Variants in NPAS3 observed in about 807,000 individuals in gnomAD.
NPAS3 encodes neuronal PAS domain protein 3.
NPAS3 carries 14 observed loss-of-function variants against 73.1 expected under a neutral mutation model. The ratio of observed to expected loss-of-function variants is 0.19; its 90% CI spans 0.13 to 0.30. NPAS3 has a LOEUF of 0.30. NPAS3 is among the 10% of genes least tolerant of loss of function. NPAS3 has a pLI of 1.00. For missense variants in NPAS3, 1,096 were observed against 1,250.0 expected (o/e 0.88, Z 1.86); for synonymous variants, 620 against 541.5 (o/e 1.14, Z -2.01).
intron 5 of NPAS3, among the ~76,000 whole-genome samples, chr14:33,589,543 G>A (rs1342993600): frequency 6.6e-6 from 1 of 152,152 alleles, no homozygotes. Context: ...ATTACATTTT[G>A]TGTGCTCAGC....
intron 11 of NPAS3, among the ~76,000 whole-genome samples, chr14:33,798,043 C>T (rs1006967192): frequency 5.9e-5 from 9 of 152,012 alleles, no homozygotes; most frequent in Non-Finnish European, 1.0e-4. Context: ...AGCTAGCTCT[C>T]GGCCTCTACT....
chr14:33,005,800 C>T (rs1173774443), intron 1 of NPAS3, among the ~76,000 whole-genome samples: 1 of 152,148 alleles, frequency 6.6e-6, no homozygotes, highest in Non-Finnish European at 1.5e-5. Flanking sequence ...CATGATAGCA[C>T]TTGTGAGTCT....
intron 2 of NPAS3, among the ~76,000 whole-genome samples, chr14:33,085,742 T>A (rs971518981): frequency 6.6e-6 from 1 of 152,230 alleles, no homozygotes; most frequent in African/African-American, 2.4e-5. Context: ...TATAGTAAGA[T>A]ACAACCAACA....
intron 4 of NPAS3, among the ~76,000 whole-genome samples, chr14:33,510,367 G>C (rs939290059): frequency 5.3e-5 from 8 of 152,042 alleles, no homozygotes; most frequent in African/African-American, 1.9e-4. Flanking sequence ...TCGCTGCTAT[G>C]ATTCAGAGGT....
chr14:33,384,067 A>G (rs2046671934), intron 4 of NPAS3, among the ~76,000 whole-genome samples: 2 of 152,346 alleles, frequency 1.3e-5, no homozygotes, highest in African/African-American at 4.8e-5. Flanking sequence ...ATGTGTTTAA[A>G]GTAGCAATGA....
chr14:33,722,784 C>T (rs991502341), intron 6 of NPAS3, among the ~76,000 whole-genome samples: 1 of 152,080 alleles, frequency 6.6e-6, no homozygotes, highest in Non-Finnish European at 1.5e-5. Context: ...AATAATGTTA[C>T]TAAGAATATT....
chr14:33,083,701 C>A (rs12587385), intron 2 of NPAS3, among the ~76,000 whole-genome samples: 1 of 152,068 alleles, frequency 6.6e-6, no homozygotes, highest in Admixed American at 6.5e-5. Flanking sequence ...AGGAGCCTCT[C>A]AAATATTTGA....
chr14:32,968,730 T>C (rs1412497412), intron 1 of NPAS3, among the ~76,000 whole-genome samples: 2 of 151,776 alleles, frequency 1.3e-5, no homozygotes, highest in African/African-American at 2.4e-5. Context: ...TGTCATGAGG[T>C]TGGAGTCAAA....
At chr14:33,642,054 T>C (rs2058688972) in intron 5 of NPAS3, among the ~76,000 whole-genome samples, 1 of 152,182 alleles carries the variant, frequency 6.6e-6, no homozygotes, top group South Asian at 2.1e-4. Flanking sequence ...TGTCGATAGA[T>C]AGAAAATTGA....
At chr14:33,787,934 G>A (rs1273107378) in intron 9 of NPAS3, among the ~76,000 whole-genome samples, 1 of 151,932 alleles carries the variant, frequency 6.6e-6, no homozygotes, top group South Asian at 2.1e-4. Flanking sequence ...CAAAGAAAAA[G>A]TAATCCAGAA....
intron 3 of NPAS3, among the ~76,000 whole-genome samples, chr14:33,364,622 ACACT>A: frequency 6.6e-6 from 1 of 152,202 alleles, no homozygotes; most frequent in Non-Finnish European, 1.5e-5. Flanking sequence ...ATGGGGGTAC[ACACT>A]CAGATTTCTA....
intron 4 of NPAS3, among the ~76,000 whole-genome samples, chr14:33,494,342 C>T (rs534442566): frequency 7.2e-5 from 11 of 152,110 alleles, no homozygotes; most frequent in Non-Finnish European, 1.3e-4. Context: ...CTGTTAGCCC[C>T]GCTGTGTCCA....
intron 2 of NPAS3, among the ~76,000 whole-genome samples, chr14:33,187,821 A>T (rs1202813106): frequency 6.6e-6 from 1 of 152,184 alleles, no homozygotes; most frequent in African/African-American, 2.4e-5. Flanking sequence ...TGCTTTATAT[A>T]TTTTTAATCA....
intron 1 of NPAS3, among the ~76,000 whole-genome samples, chr14:32,993,292 G>A (rs1456724521): frequency 6.6e-6 from 1 of 152,132 alleles, no homozygotes. Context: ...TGTAGGTTTG[G>A]GACTGACCAC....
intron 5 of NPAS3, among the ~76,000 whole-genome samples, chr14:33,586,851 A>C (rs1384307375): frequency 6.6e-6 from 1 of 152,218 alleles, no homozygotes. Context: ...ACTTAAGTGG[A>C]TATCATGCAA....
At position 33,756,998 on chromosome 14, in the gene NPAS3, G is replaced by C. The variant is rs554896270; in HGVS notation, c.853-17339G>C. On this transcript the variant is annotated intron_variant, in intron 7 of 11. Transcript: ENST00000356141. ...AGAATGAATATTATTTCCACTGATG[G>C]TGGGGCATGGGGAAGGAATTCTTGG... is the stretch of plus-strand genomic sequence containing the variant. 4.6e-5 allele frequency among the ~76,000 whole-genome samples: 7 copies of C among 152,346 alleles called. No homozygotes were observed. The South Asian group carries it at 1.5e-3, about 32-fold the overall frequency.
intron 2 of NPAS3, among the ~76,000 whole-genome samples, chr14:33,173,515 T>C (rs1428829097): frequency 1.3e-5 from 2 of 152,138 alleles, no homozygotes; most frequent in African/African-American, 2.4e-5. Flanking sequence ...TAAAAAAAAC[T>C]ACAAAAACTT....
chr14:33,797,528 C>T (rs763534471), exon 11 of NPAS3: 11 of 1,613,998 alleles, frequency 6.8e-6, no homozygotes, highest in Non-Finnish European at 9.3e-6. Flanking sequence ...ACTTCCGAAT[C>T]CTCGGAGACA....
chr14:33,411,782 A>G (rs1566878968), intron 4 of NPAS3, among the ~76,000 whole-genome samples: 3 of 150,576 alleles, frequency 2.0e-5, no homozygotes, highest in African/African-American at 2.5e-5. Flanking sequence ...GCCATCTACA[A>G]GTGCTTAGTT....
Sources: allele counts gnomAD v4.1 joint callset (sites outside exome capture counted in the v4.1 genomes callset), GRCh38; gene constraint gnomAD v4.1.1; transcripts MANE v1.5; gene names NCBI Gene and HGNC (gene_info 2026-07-23, HGNC 2026-07-21).